BRAT1: variants seen among roughly 807,000 people sequenced by gnomAD.
BRAT1 encodes BRCA1 associated ATM activator 1.
Under a neutral mutation model 70.6 loss-of-function variants are expected in BRAT1, and 74 were observed. The observed-to-expected ratio is 1.05, with a 90% CI of 0.87 to 1.27. The LOEUF (loss-of-function observed/expected upper bound fraction) is 1.27. BRAT1 is among the 50% of genes most tolerant of loss of function. BRAT1 has a pLI of 0.00. For synonymous variants in BRAT1, 615 were observed against 517.1 expected (o/e 1.19, Z -2.57); for missense variants, 1,203 against 1,098.2 (o/e 1.10, Z -1.35).
chr7:2,538,652 G>C lies in BRAT1; in HGVS notation c.1883C>G (p.Ala628Gly). ...GGCCACGAACTGCTCCGTGTCCTGGGCCGCGTCGGCGTGGCCGTCCCGCAG... is the reference window on the plus strand; with the variant it reads ...GGCCACGAACTGCTCCGTGTCCTGGCCCGCGTCGGCGTGGCCGTCCCGCAG... ...EWLRDGHADA[A>G]QDTEQFVATV... is the part of the protein sequence containing the mutation. The change falls in exon 14 of 14, where the codon GCC (alanine) becomes GGC (glycine). Residue 628 changes from alanine to glycine, a missense_variant. Physicochemically the swap from Ala to Gly is moderately conservative, Grantham distance 60. Transcript: ENST00000340611. 6.3e-7 allele frequency: 1 copy of C among 1,598,324 alleles called. No individual in the cohort carries two copies. Among genetic ancestry groups the C allele is most frequent in the Non-Finnish European group, 8.5e-7 (1 of 1,179,650 alleles).
At chr7:2,553,963 G>T (rs554009900) in intron 2 of BRAT1, among the ~76,000 whole-genome samples, 1 of 152,000 alleles carries the variant, frequency 6.6e-6, no homozygotes, top group South Asian at 2.1e-4. Flanking sequence ...TTCATAATCA[G>T]AAAGAAAACA....
At chr7:2,552,108 T>TATATATATATATATATATA (rs1780081117) in intron 2 of BRAT1, among the ~76,000 whole-genome samples, 7 of 14,304 alleles carry the variant, frequency 4.9e-4, no homozygotes, top group Non-Finnish European at 9.2e-4. Flanking sequence ...ATATATATAT[T>TATATATATATATATATATA]TTTTTTTTTT....
chr7:2,541,379 G>A lies in BRAT1; in HGVS notation c.1240C>T (p.His414Tyr). 1.2e-6 allele frequency: 2 copies of A among 1,607,612 alleles called. No homozygotes were observed. The highest frequency in any genetic ancestry group is 1.7e-6 in the Non-Finnish European group (2 of 1,179,262). ...CAGCCCGCCAGGGTCCCACAGAGGT[G>A]GCCCCCCACACTGGAGGCAGGGGCA... The part of the protein sequence containing the change: ...SAAPASSVGG[H>Y]LCGTLAGCVR... The change falls in exon 9 of 14, where the codon CAC (histidine) becomes TAC (tyrosine). Residue 414 changes from histidine to tyrosine, a missense_variant. Transcript: ENST00000340611.
intron 2 of BRAT1, among the ~76,000 whole-genome samples, chr7:2,548,743 A>G (rs143139650): frequency 6.6e-6 from 1 of 152,100 alleles, no homozygotes; most frequent in African/African-American, 2.4e-5. Flanking sequence ...CAGGCAGATC[A>G]CGAGGTCAGG....
chr7:2,540,039 T>TTA (rs1779026812), intron 10 of BRAT1, 151 bp from the exon 11 acceptor site: 4 of 581,750 alleles, frequency 6.9e-6, no homozygotes, highest in Non-Finnish European at 1.2e-5. Context: ...GCTTCCTTCT[T>TTA]TTTTAGAGAC....
In BRAT1 at chr7:2,537,919, G is replaced by A; in HGVS notation, c.*150C>T. On this transcript the variant is annotated 3_prime_UTR_variant, in exon 14 of 14. Transcript: ENST00000340611. ...TCATTTCTTTAATACATCAAACTGT[G>A]GGATTTCTTGACCTTGCTTCTCTCC... 4.0e-6 allele frequency: 5 copies of A among 1,259,992 alleles called. No homozygotes were observed. The highest frequency in any genetic ancestry group is 5.2e-6 in the Non-Finnish European group (5 of 969,342). 78.1% of individuals were successfully genotyped at this position (1,259,992 alleles called of 1,614,324 possible).
chr7:2,542,248 C>G, intron 6 of BRAT1, 37 bp from the exon 7 acceptor site: 1 of 1,514,552 alleles, frequency 6.6e-7, no homozygotes, highest in Non-Finnish European at 9.0e-7. Context: ...GCGACCCTGG[C>G]TGCGAGACAA....
rs1185029266 is a variant in BRAT1, at chr7:2,545,363, C to CAAAAAAAAAAAAAAA, written c.283-322_283-308dup. Among the ~76,000 whole-genome samples the CAAAAAAAAAAAAAAA allele has an allele frequency of 2.1e-3, 52 of 25,130 alleles. 6 individuals are homozygous for CAAAAAAAAAAAAAAA. The highest frequency in any genetic ancestry group is 3.6e-3 in the Non-Finnish European group (45 of 12,420). The allele number at this position is 25,130 out of a possible 152,430, so 16.5% of individuals were successfully genotyped here. Reference sequence around the variant, plus strand: ...TGGGTGACACAGCGAGACTCCATCTCAAAAAAAAAAAAAAAAAAAAAAAAA... The same window carrying CAAAAAAAAAAAAAAA: ...TGGGTGACACAGCGAGACTCCATCTCAAAAAAAAAAAAAAAAAAAAAAAAAAAAAAAAAAAAAAAA... On this transcript the variant is annotated intron_variant, in intron 3 of 13. Coordinates refer to ENST00000340611, the MANE Select transcript of BRAT1 (RefSeq NM_152743.4).
At chr7:2,548,323 G>C (rs1389847397) in intron 2 of BRAT1, among the ~76,000 whole-genome samples, 1 of 152,126 alleles carries the variant, frequency 6.6e-6, no homozygotes, top group Non-Finnish European at 1.5e-5. Context: ...CCTGTGGAAA[G>C]AATGTGGTTC....
intron 2 of BRAT1, among the ~76,000 whole-genome samples, chr7:2,550,196 G>A (rs568048777): frequency 4.0e-5 from 6 of 149,500 alleles, no homozygotes; most frequent in Non-Finnish European, 8.9e-5. Context: ...GCCAGGCACA[G>A]TGCCTCACAC....
chr7:2,542,429 T>C (rs900278061), intron 6 of BRAT1: 10 of 580,438 alleles, frequency 1.7e-5, no homozygotes, highest in African/African-American at 1.5e-4. Context: ...CTGATGTCCT[T>C]AGGAGCAGAT....
Position 2,547,497 on chromosome 7 carries a change from C to T in BRAT1, c.128-19G>A. 5 of 1,609,014 alleles carry T rather than the reference C, an allele frequency of 3.1e-6. No individual in the cohort carries two copies. The highest frequency in any genetic ancestry group is 4.3e-6 in the Non-Finnish European group (5 of 1,176,410). On this transcript the variant is annotated intron_variant, in intron 2 of 13. Transcript: ENST00000340611. ...CTGGACTCTGTGGGGATGGCCCAGC[C>T]CAGGGGTCACCAGGGGTACGGCACC...
At chr7:2,544,070 G>A in intron 4 of BRAT1, 108 bp from the exon 5 acceptor site, 1 of 882,094 alleles carries the variant, frequency 1.1e-6, no homozygotes. Flanking sequence ...CCCCCAAGAT[G>A]CCCCCAAATG....
intron 6 of BRAT1, chr7:2,542,916 G>A (rs770711546): frequency 2.0e-4 from 44 of 223,874 alleles, no homozygotes; most frequent in Non-Finnish European, 3.3e-4. Flanking sequence ...GGAGGGCAGC[G>A]GAGCGCAGGG....
In BRAT1 at chr7:2,541,307, G is replaced by C. The variant is rs1471483570; in HGVS notation, c.1312C>G (p.Gln438Glu). 1.9e-6 allele frequency: 3 copies of C among 1,591,744 alleles called. No homozygotes were observed. Among genetic ancestry groups the C allele is most frequent in the African/African-American group, 1.3e-5 (1 of 74,674 alleles). ...TACAGAACACACTCACCTGTCCCCT[G>C]TGACAGCGTCCCCAGGAAGTCGAGG... ...AALDFLGTLS[Q>E]GTGPQELVTQ... The change falls in exon 9 of 14, where the codon CAG becomes GAG. Residue 438 changes from glutamine (Q) to glutamate (E), a missense_variant. By Grantham distance (29) the Gln-to-Glu change is conservative (BLOSUM62 2). Transcript: ENST00000340611.
rs1476010977 is a variant in BRAT1 at position 2,554,394 on chromosome 7, C to G, written c.38G>C (p.Cys13Ser). ...CTGCCTGGGATCTACCAGAACAGCA[C>G]AGAGAGCCGGGAGCAGCTGGGCGCA... ...PECAQLLPALCAVLVDPRQPV... is the reference protein window; with the variant it reads ...PECAQLLPALSAVLVDPRQPV... Residue 13 changes from cysteine to serine, a missense_variant, in exon 2 of 14, where the codon TGT (cysteine) becomes TCT (serine). By Grantham distance (112) the Cys-to-Ser change is moderately radical (BLOSUM62 -1). Coordinates refer to ENST00000340611, the MANE Select transcript of BRAT1 (RefSeq NM_152743.4). 2.5e-6 allele frequency: 4 copies of G among 1,614,004 alleles called. No homozygotes were observed. The highest frequency in any genetic ancestry group is 1.7e-5 in the Admixed American group (1 of 60,030).
intron 1 of BRAT1, among the ~76,000 whole-genome samples, chr7:2,555,262 G>T (rs978155416): frequency 6.6e-6 from 1 of 152,074 alleles, no homozygotes; most frequent in Non-Finnish European, 1.5e-5. Flanking sequence ...CCCGGGAAGA[G>T]GAACCCTCCC....
At chr7:2,544,058 GC>G (rs147960160) in intron 4 of BRAT1, 96 bp from the exon 5 acceptor site, 2 of 1,000,452 alleles carry the variant, frequency 2.0e-6, no homozygotes, top group Non-Finnish European at 1.4e-6. Context: ...ATAGCAGAGG[GC>G]CCCCCAAGAT....
chr7:2,541,480 T>C lies in BRAT1; in HGVS notation c.1139A>G (p.Gln380Arg), dbSNP rs1779159249. 1 of 1,536,318 alleles carries C rather than the reference T, an allele frequency of 6.5e-7. No individual in the cohort carries two copies. Among genetic ancestry groups the C allele is most frequent in the South Asian group, 1.2e-5 (1 of 83,618 alleles). ...CGCCTGGGGCCACGGTGAAGGGCGC[T>C]GGGGCTGCGAGGAAGAGGGCCGTCA... ...AHLEELQPLP[Q>R]RPSPWPQASL... is the part of the protein sequence containing the mutation. The change falls in exon 9 of 14, where the codon CAG (glutamine) becomes CGG (arginine). Residue 380 changes from glutamine to arginine, a missense_variant. Transcript: ENST00000340611.
Sources: allele counts gnomAD v4.1 joint callset (sites outside exome capture counted in the v4.1 genomes callset), GRCh38; gene constraint gnomAD v4.1.1; transcripts MANE v1.5; gene names NCBI Gene and HGNC (gene_info 2026-07-23, HGNC 2026-07-21).